The following ATP9B variants were observed in gnomAD, a reference collection of about 807,000 sequenced individuals.
The protein encoded by ATP9B is ATPase phospholipid transporting 9B.
Under a neutral mutation model 146.1 loss-of-function variants are expected in ATP9B, and 110 were observed. The observed-to-expected ratio is 0.75, with a 90% CI of 0.65 to 0.88. The LOEUF (loss-of-function observed/expected upper bound fraction) is 0.88, where lower values mean the gene tolerates loss of function less well. Among genes scored for constraint, ATP9B ranks in the 40% least tolerant of loss-of-function variants. The pLI is 0.00. For synonymous variants in ATP9B, 604 were observed against 569.7 expected (o/e 1.06, Z -0.86); for missense variants, 1,499 against 1,496.4 (o/e 1.00, Z -0.03).
At chr18:79,316,608 A>T (rs2096681408) in intron 15 of ATP9B, among the ~76,000 whole-genome samples, 1 of 152,210 alleles carries the variant, frequency 6.6e-6, no homozygotes, top group African/African-American at 2.4e-5. Flanking sequence ...CAGCAGTAGC[A>T]GTGACCTCAG....
At chr18:79,207,043 T>G in intron 10 of ATP9B, 31 bp downstream of exon 10, 2 of 1,587,960 alleles carry the variant, frequency 1.3e-6, no homozygotes, top group Non-Finnish European at 1.7e-6. Flanking sequence ...TGAGTGTGAT[T>G]GCTCCCGGAT....
At chr18:79,086,565 G>A (rs1018089173) in intron 1 of ATP9B, 11 of 150,736 alleles carry the variant, frequency 7.3e-5, no homozygotes, top group Admixed American at 5.9e-4. Flanking sequence ...GTTGATAGTA[G>A]GGAACATCAC....
At chr18:79,194,045 G>A (rs2095394853) in intron 9 of ATP9B, among the ~76,000 whole-genome samples, 1 of 152,136 alleles carries the variant, frequency 6.6e-6, no homozygotes, top group African/African-American at 2.4e-5. Context: ...TGGGGCACTG[G>A]GCCTTTTGTA....
At position 79,297,024 on chromosome 18, in the gene ATP9B, G is replaced by A. The variant is rs142555966; in HGVS notation, c.1412-6580G>A. On this transcript the variant is annotated intron_variant, in intron 13 of 29. Transcript: ENST00000426216. ...GACGACCCAGAGAGAAGACAGAGACGACCCAGAGAGAAGACAGAGAGATGA... is the reference window on the plus strand; with the variant it reads ...GACGACCCAGAGAGAAGACAGAGACAACCCAGAGAGAAGACAGAGAGATGA... Among the ~76,000 whole-genome samples the A allele has an allele frequency of 2.7e-5, 4 of 145,498 alleles. No individual in the cohort carries two copies. In the East Asian group the frequency reaches 8.3e-4, roughly 30 times the overall value.
At position 79,179,279 on chromosome 18, in the gene ATP9B, G is replaced by C. The variant is rs115311348; in HGVS notation, c.873+2372G>C. On this transcript the variant is annotated intron_variant, in intron 8 of 29. Transcript: ENST00000426216. ...TATCTTCATTGTTTGTTCATTTTCT[G>C]TGTTATTAATTTCTGCTCTTTATTT... Among the ~76,000 whole-genome samples, 559 of 150,016 alleles carry C rather than the reference G, an allele frequency of 3.7e-3. 3 individuals are homozygous for C. The highest frequency in any genetic ancestry group is 0.024 in the South Asian group (116 of 4,818).
intron 4 of ATP9B, among the ~76,000 whole-genome samples, chr18:79,121,192 A>G (rs1204544304): frequency 4.6e-5 from 7 of 152,226 alleles, no homozygotes; most frequent in Admixed American, 3.9e-4. Flanking sequence ...TTCTCCTTTT[A>G]CAAAAATGTA....
At chr18:79,373,051 CT>C (rs5826630) in intron 27 of ATP9B, among the ~76,000 whole-genome samples, 169 bp downstream of exon 27, 66,555 of 149,382 alleles carry the variant, frequency 0.45, 14,813 homozygotes, top group East Asian at 0.7. Context: ...AACATGGGTC[CT>C]TTTTTTTTTT....
chr18:79,085,264 T>A (rs2073704606), intron 1 of ATP9B: 1 of 152,178 alleles, frequency 6.6e-6, no homozygotes, highest in Admixed American at 6.5e-5. Context: ...GACCACCCCC[T>A]ACCCCATGAT....
intron 9 of ATP9B, among the ~76,000 whole-genome samples, chr18:79,201,810 C>T (rs2095491214): frequency 6.6e-6 from 1 of 152,152 alleles, no homozygotes; most frequent in African/African-American, 2.4e-5. Flanking sequence ...CCACCCACCT[C>T]GGCCTCCCAA....
intron 11 of ATP9B, among the ~76,000 whole-genome samples, chr18:79,252,613 A>G (rs2096037972): frequency 6.6e-6 from 1 of 152,186 alleles, no homozygotes; most frequent in African/African-American, 2.4e-5. Flanking sequence ...TGTTTCCAAG[A>G]TCCTATACAG....
At chr18:79,172,925 C>G (rs2095101504) in intron 7 of ATP9B, among the ~76,000 whole-genome samples, 2 of 152,100 alleles carry the variant, frequency 1.3e-5, no homozygotes, top group African/African-American at 4.8e-5. Context: ...TTTTTATGGT[C>G]ATTCTATGCT....
chr18:79,087,223 A>G (rs981624132), intron 1 of ATP9B: 1 of 152,250 alleles, frequency 6.6e-6, no homozygotes, highest in Non-Finnish European at 1.5e-5. Context: ...GCATTAATGC[A>G]TCATGAGGGC....
chr18:79,347,907 T>C lies in ATP9B; in HGVS notation c.2820T>C (p.Leu940=), dbSNP rs2096899165. The change falls in exon 24 of 30, where the codon CTT becomes CTC. Residue 940 remains leucine, a synonymous_variant. Transcript: ENST00000426216. The part of the protein sequence containing the change: ...ALGQFVMHRG[L]IISTMQAVFS... ...GCCAGTTCGTCATGCACAGGGGCCT[T>C]ATCATCTCCACCATGCAGGTACTAA... 1.2e-6 allele frequency: 2 copies of C among 1,613,756 alleles called. No individual in the cohort carries two copies. The highest frequency in any genetic ancestry group is 1.7e-6 in the Non-Finnish European group (2 of 1,179,866).
intron 1 of ATP9B, among the ~76,000 whole-genome samples, chr18:79,072,296 C>T (rs936645110): frequency 6.6e-5 from 10 of 152,006 alleles, no homozygotes; most frequent in South Asian, 2.1e-4. Flanking sequence ...GAGGACCCTG[C>T]GGCCTTCCGC....
chr18:79,304,170 A>G (rs1427095859), intron 14 of ATP9B, among the ~76,000 whole-genome samples: 1 of 152,094 alleles, frequency 6.6e-6, no homozygotes, highest in Non-Finnish European at 1.5e-5. Context: ...CCTACCTGTC[A>G]TCAGTGCCCA....
intron 7 of ATP9B, among the ~76,000 whole-genome samples, chr18:79,169,746 T>A (rs1481224879): frequency 6.6e-6 from 1 of 152,196 alleles, no homozygotes; most frequent in Admixed American, 6.5e-5. Flanking sequence ...TATCAGACTT[T>A]ATTAGATATA....
At chr18:79,279,304 A>G (rs1453208863) in intron 13 of ATP9B, among the ~76,000 whole-genome samples, 1 of 152,210 alleles carries the variant, frequency 6.6e-6, no homozygotes, top group Non-Finnish European at 1.5e-5. Context: ...GTTCACAGAC[A>G]GCCCCTTGAT....
intron 8 of ATP9B, among the ~76,000 whole-genome samples, chr18:79,178,369 C>T (rs1483334550): frequency 6.6e-6 from 1 of 152,084 alleles, no homozygotes; most frequent in East Asian, 1.9e-4. Context: ...CTTCAGTTTG[C>T]GTTTCTGTGA....
At chr18:79,366,500 G>T (rs1014152844) in intron 26 of ATP9B, among the ~76,000 whole-genome samples, 5 of 152,230 alleles carry the variant, frequency 3.3e-5, no homozygotes, top group African/African-American at 1.2e-4. Flanking sequence ...GCCCATGCAT[G>T]GTAGCTAATG....
Sources: allele counts gnomAD v4.1 joint callset (sites outside exome capture counted in the v4.1 genomes callset), GRCh38; gene constraint gnomAD v4.1.1; transcripts MANE v1.5; gene names NCBI Gene and HGNC (gene_info 2026-07-23, HGNC 2026-07-21).